HPSE2: variants seen among roughly 807,000 people sequenced by gnomAD.
The protein encoded by HPSE2 is heparanase 2 (inactive), also known as inactive heparanase-2.
A neutral mutation model predicts 60.5 loss-of-function variants in HPSE2; 38 were observed. The ratio of observed to expected loss-of-function variants is 0.63; its 90% confidence interval spans 0.48 to 0.82. The LOEUF is 0.82. HPSE2 is among the 40% of genes least tolerant of loss of function. The pLI is 0.00. For missense variants in HPSE2, 713 were observed against 740.4 expected, an observed-to-expected ratio of 0.96 and a Z score of 0.43; for synonymous variants, 295 against 293.2, an observed-to-expected ratio of 1.01 and a Z score of -0.06.
chr10:98,902,605 C>A (rs1953697449), intron 3 of HPSE2, among the ~76,000 whole-genome samples: 1 of 152,042 alleles, frequency 6.6e-6, no homozygotes, highest in African/African-American at 2.4e-5. Context: ...TTGTCTAATA[C>A]CTCCACAGTA....
chr10:98,770,379 C>T (rs1310708354), intron 3 of HPSE2, among the ~76,000 whole-genome samples: 1 of 152,156 alleles, frequency 6.6e-6, no homozygotes, highest in South Asian at 2.1e-4. Context: ...CATGAAAATG[C>T]ACCACTCACA....
Position 98,963,390 on chromosome 10 carries a change from TTTTG to T in HPSE2, c.610+180844_610+180847del, listed in dbSNP as rs142367225. Among the ~76,000 whole-genome samples the T allele has an allele frequency of 7.8e-3, 1,186 of 152,312 alleles. 9 individuals are homozygous for T. Among genetic ancestry groups the T allele is most frequent in the African/African-American group, 0.024 (1,011 of 41,590 alleles). On this transcript the variant is annotated intron_variant, in intron 3 of 11. Transcript: ENST00000370552. ...TTTTAGAGTGTTTTCTTTCAGTCTTTTTTGTTTGTGTCTCAGTGCCACACTAGTA... is the reference window on the plus strand; with the variant it reads ...TTTTAGAGTGTTTTCTTTCAGTCTTTTTTGTGTCTCAGTGCCACACTAGTA...
intron 9 of HPSE2, among the ~76,000 whole-genome samples, chr10:98,604,350 G>A (rs763932061): frequency 6.6e-6 from 1 of 151,608 alleles, no homozygotes; most frequent in Non-Finnish European, 1.5e-5. Flanking sequence ...TAACACAAAT[G>A]AAGAATGCCC....
intron 2 of HPSE2, among the ~76,000 whole-genome samples, chr10:99,174,735 G>A (rs1340420214): frequency 6.6e-6 from 1 of 152,164 alleles, no homozygotes; most frequent in Non-Finnish European, 1.5e-5. Flanking sequence ...TGGAGACAGG[G>A]CCTTTAAAGA....
intron 3 of HPSE2, among the ~76,000 whole-genome samples, chr10:98,807,607 C>T (rs1408760606): frequency 6.6e-6 from 1 of 152,224 alleles, no homozygotes; most frequent in Non-Finnish European, 1.5e-5. Flanking sequence ...GTGCTGATAA[C>T]ACGATGGATT....
chr10:98,708,664 C>T (rs769918754), intron 5 of HPSE2, among the ~76,000 whole-genome samples: 1 of 152,034 alleles, frequency 6.6e-6, no homozygotes, highest in South Asian at 2.1e-4. Context: ...TCAACTTCAA[C>T]CATATGGAAG....
intron 9 of HPSE2, among the ~76,000 whole-genome samples, chr10:98,604,165 A>G (rs1225269572): frequency 1.3e-5 from 2 of 152,212 alleles, no homozygotes; most frequent in Non-Finnish European, 2.9e-5. Context: ...AACATTAGAC[A>G]TGGCAGGGAT....
At chr10:98,954,961 T>C (rs1955465873) in intron 3 of HPSE2, among the ~76,000 whole-genome samples, 1 of 100,440 alleles carries the variant, frequency 1.0e-5, no homozygotes, top group Admixed American at 1.1e-4. Context: ...ATCAATTTTA[T>C]ATATATATAT....
intron 3 of HPSE2, among the ~76,000 whole-genome samples, chr10:98,926,287 A>G (rs1954460196): frequency 6.6e-6 from 1 of 152,136 alleles, no homozygotes; most frequent in African/African-American, 2.4e-5. Context: ...TCTGAAGGTC[A>G]ATAGGAATGA....
chr10:98,987,596 C>T (rs1956399541), intron 3 of HPSE2, among the ~76,000 whole-genome samples: 1 of 152,112 alleles, frequency 6.6e-6, no homozygotes, highest in South Asian at 2.1e-4. Flanking sequence ...GACAGGGATG[C>T]CCTCTCTCAC....
intron 3 of HPSE2, among the ~76,000 whole-genome samples, chr10:98,832,398 G>T (rs922175094): frequency 7.9e-5 from 12 of 152,180 alleles, no homozygotes; most frequent in African/African-American, 2.9e-4. Flanking sequence ...GACGCTTGGG[G>T]TCTGGTTTCA....
chr10:98,980,035 T>A (rs966941743), intron 3 of HPSE2, among the ~76,000 whole-genome samples: 3 of 152,214 alleles, frequency 2.0e-5, no homozygotes, highest in African/African-American at 7.2e-5. Flanking sequence ...TAATTATTAT[T>A]AAATGTATCT....
Position 99,132,241 on chromosome 10 carries a change from G to GAGAA in HPSE2, c.610+11993_610+11996dup, listed in dbSNP as rs1162292360. Among the ~76,000 whole-genome samples the GAGAA allele has an allele frequency of 1.2e-3, 34 of 28,964 alleles. 2 individuals carry two copies. Among genetic ancestry groups the GAGAA allele is most frequent in the African/African-American group, 3.0e-3 (28 of 9,330 alleles). The allele number at this position is 28,964 out of a possible 152,430, so 19.0% of individuals were successfully genotyped here. ...AGAGAGAGAGAGAGAGAGAGAGAGA[G>GAGAA]AGAAAGAAAGAAAGAAAGAAAGAAA... On this transcript the variant is annotated intron_variant, in intron 3 of 11. Coordinates refer to ENST00000370552, the MANE Select transcript of HPSE2 (RefSeq NM_021828.5).
intron 3 of HPSE2, among the ~76,000 whole-genome samples, chr10:98,965,678 T>G (rs2135249197): frequency 6.6e-6 from 1 of 152,276 alleles, no homozygotes; most frequent in African/African-American, 2.4e-5. Context: ...ACCTACCTAC[T>G]CTATGAAGTC....
chr10:98,521,526 A>AG (rs1564936954), intron 9 of HPSE2, among the ~76,000 whole-genome samples: 21 of 152,338 alleles, frequency 1.4e-4, no homozygotes, highest in African/African-American at 4.8e-4. Flanking sequence ...ATGTTTTTAC[A>AG]CTGCTGGTGG....
rs796723974 is a variant in HPSE2 at position 99,094,371 on chromosome 10, A to G, written c.610+49867T>C. Among the ~76,000 whole-genome samples, 4 of 151,222 alleles carry G rather than the reference A, an allele frequency of 2.6e-5. No individual in the cohort carries two copies. The South Asian group carries it at 8.3e-4, about 31-fold the overall frequency. On this transcript the variant is annotated intron_variant, in intron 3 of 11. Coordinates refer to ENST00000370552, the MANE Select transcript of HPSE2 (RefSeq NM_021828.5). The stretch of plus-strand genomic sequence containing the variant: ...GTACTTAAAAAGGTTTATCTTCTTT[A>G]TTTCAAAGTAAAAGTATGTGTATAC...
At chr10:99,243,352 C>CA in the HPSE2 span, among the ~76,000 whole-genome samples, 2,364 of 121,316 alleles carry the variant, frequency 0.019, 29 homozygotes, top group African/African-American at 0.049. Context: ...GACTCTGTCT[C>CA]AAAAAAAAAA....
In HPSE2 at chr10:98,969,194, C is replaced by A. The variant is rs186761437; in HGVS notation, c.610+175044G>T. 6.4e-4 allele frequency among the ~76,000 whole-genome samples: 98 copies of A among 152,166 alleles called. 1 individual carries two copies. The highest frequency in any genetic ancestry group is 7.4e-5 in the Non-Finnish European group (5 of 68,008). On this transcript the variant is annotated intron_variant, in intron 3 of 11. Transcript: ENST00000370552. ...TCGTGTCTGGTCATCTCATTCCTCA[C>A]ACAATCACTTCTCAAGGCTGAGCAT...
the HPSE2 span, among the ~76,000 whole-genome samples, chr10:99,242,291 C>A: frequency 1.3e-5 from 2 of 151,948 alleles, no homozygotes; most frequent in African/African-American, 4.8e-5. Flanking sequence ...GTGTAATATC[C>A]CTGGGAAAAA....
Sources: allele counts gnomAD v4.1 joint callset (sites outside exome capture counted in the v4.1 genomes callset), GRCh38; gene constraint gnomAD v4.1.1; transcripts MANE v1.5; gene names NCBI Gene and HGNC (gene_info 2026-07-23, HGNC 2026-07-21).